The following SPOCK1 variants were observed in gnomAD, a reference collection of about 807,000 sequenced individuals.
SPOCK1 encodes testican-1.
A neutral mutation model predicts 55.3 loss-of-function variants in SPOCK1; 23 were observed. The ratio of observed to expected loss-of-function variants is 0.42; its 90% confidence interval spans 0.30 to 0.59. The LOEUF (loss-of-function observed/expected upper bound fraction) is 0.59, where lower values mean the gene tolerates loss of function less well. Among genes scored for constraint, SPOCK1 ranks in the 20% least tolerant of loss-of-function variants. The pLI is 0.22. For missense variants in SPOCK1, 499 were observed against 552.5 expected, an observed-to-expected ratio of 0.90 and a Z score of 0.97; for synonymous variants, 226 against 221.0, an observed-to-expected ratio of 1.02 and a Z score of -0.20.
At chr5:137,141,131 T>C (rs1408347602) in intron 3 of SPOCK1, among the ~76,000 whole-genome samples, 1 of 152,226 alleles carries the variant, frequency 6.6e-6, no homozygotes, top group Non-Finnish European at 1.5e-5. Flanking sequence ...GGTGCTGTTC[T>C]CTGAGGCTGG....
Position 137,349,700 on chromosome 5 carries a change from C to G in SPOCK1, c.187-82645G>C, listed in dbSNP as rs567624852. Among the ~76,000 whole-genome samples, 100 of 152,292 alleles carry G rather than the reference C, an allele frequency of 6.6e-4. 1 individual carries two copies. The highest frequency in any genetic ancestry group is 2.3e-3 in the African/African-American group (96 of 41,556). ...TTTGCTCATCTTTGGCATTCCTTGA[C>G]TTGTAGATGCATCACCTTGATCTCT... On this transcript the variant is annotated intron_variant, in intron 2 of 10. Transcript: ENST00000394945.
chr5:137,235,677 G>A (rs927134482), intron 3 of SPOCK1, among the ~76,000 whole-genome samples: 13 of 152,344 alleles, frequency 8.5e-5, no homozygotes, highest in Middle Eastern at 3.4e-3. Flanking sequence ...ACAGGGGTCT[G>A]GGTATGAATG....
chr5:137,256,871 A>T lies in SPOCK1; in HGVS notation c.232+10139T>A, dbSNP rs1756644940. Among the ~76,000 whole-genome samples the T allele has an allele frequency of 4.6e-5, 7 of 152,334 alleles. No homozygotes were observed. The Middle Eastern group carries it at 0.017, about 370-fold the overall frequency. On this transcript the variant is annotated intron_variant, in intron 3 of 10. Coordinates refer to ENST00000394945, the MANE Select transcript of SPOCK1 (RefSeq NM_004598.4). Reference sequence around the variant, plus strand: ...GAGAAGCCACAAACAGCCCAAAGGCACATTTACCGTCTTGCTGTATTTTTT... The same window carrying T: ...GAGAAGCCACAAACAGCCCAAAGGCTCATTTACCGTCTTGCTGTATTTTTT...
Position 137,371,915 on chromosome 5 carries a change from A to G in SPOCK1, c.187-104860T>C, listed in dbSNP as rs1751209434. On this transcript the variant is annotated intron_variant, in intron 2 of 10. Coordinates refer to ENST00000394945, the MANE Select transcript of SPOCK1 (RefSeq NM_004598.4). ...GTGAGATCAGCACTATCCAATAGAA[A>G]TATAACGTCAACCACAAATGTGAAC... Among the ~76,000 whole-genome samples the G allele has an allele frequency of 2.0e-5, 3 of 152,366 alleles. No individual in the cohort carries two copies. In the South Asian group the frequency reaches 6.2e-4, roughly 32 times the overall value.
intron 3 of SPOCK1, among the ~76,000 whole-genome samples, chr5:137,196,944 A>G (rs1755311718): frequency 6.6e-6 from 1 of 152,232 alleles, no homozygotes. Context: ...TCTAGCTTCA[A>G]TTAAATTGAC....
intron 6 of SPOCK1, among the ~76,000 whole-genome samples, chr5:137,000,959 C>T (rs1275553718): frequency 4.6e-5 from 7 of 152,290 alleles, no homozygotes; most frequent in South Asian, 4.1e-4. Context: ...GCCGAGATCA[C>T]GCCACTGCAC....
In SPOCK1 at chr5:136,978,160, G is replaced by T; in HGVS notation, c.*494C>A. The T allele has an allele frequency of 2.6e-6, 1 of 380,592 alleles. No individual in the cohort carries two copies. The highest frequency in any genetic ancestry group is 3.7e-5 in the East Asian group (1 of 26,886). 23.6% of individuals were successfully genotyped at this position (380,592 alleles called of 1,614,324 possible). A position where few individuals can be genotyped will look rare whatever the true frequency, so the allele number is the denominator to read the frequency against. On this transcript the variant is annotated 3_prime_UTR_variant, in exon 11 of 11. Coordinates refer to ENST00000394945, the MANE Select transcript of SPOCK1 (RefSeq NM_004598.4). ...TTTAATAATAATCACCGGCAGTAAC[G>T]GGGGCAGGGGGAAAAAGTACAGTGT... is the stretch of plus-strand genomic sequence containing the variant.
chr5:137,387,150 C>T (rs1580898034), intron 2 of SPOCK1, among the ~76,000 whole-genome samples: 1 of 152,216 alleles, frequency 6.6e-6, no homozygotes, highest in African/African-American at 2.4e-5. Context: ...ATCCAGAACA[C>T]TGACACCACC....
intron 2 of SPOCK1, among the ~76,000 whole-genome samples, chr5:137,410,182 G>A (rs1752180135): frequency 6.6e-6 from 1 of 152,188 alleles, no homozygotes. Flanking sequence ...TCATGCTCCT[G>A]ATATTCGGCA....
chr5:137,485,721 A>AAC (rs1006175038), intron 2 of SPOCK1, among the ~76,000 whole-genome samples: 3 of 152,232 alleles, frequency 2.0e-5, no homozygotes, highest in Non-Finnish European at 4.4e-5. Flanking sequence ...AAATTTTAAA[A>AAC]ACACACACAC....
intron 2 of SPOCK1, among the ~76,000 whole-genome samples, chr5:137,493,820 C>T (rs1198112966): frequency 6.6e-6 from 1 of 152,196 alleles, no homozygotes; most frequent in Non-Finnish European, 1.5e-5. Flanking sequence ...TCACCAGCCC[C>T]ACTGACTGGG....
intron 3 of SPOCK1, among the ~76,000 whole-genome samples, chr5:137,224,149 C>A (rs1285088734): frequency 6.6e-6 from 1 of 152,208 alleles, no homozygotes; most frequent in Admixed American, 6.5e-5. Flanking sequence ...TTCAGTCTCC[C>A]TGTAGCTTTG....
At chr5:137,274,581 C>T (rs1428889494) in intron 2 of SPOCK1, among the ~76,000 whole-genome samples, 6 of 152,136 alleles carry the variant, frequency 3.9e-5, no homozygotes, top group African/African-American at 1.2e-4. Context: ...CTGAGGTTTA[C>T]AGTAGGGGGA....
chr5:137,188,528 A>C (rs1755116015), intron 3 of SPOCK1, among the ~76,000 whole-genome samples: 1 of 152,224 alleles, frequency 6.6e-6, no homozygotes, highest in Non-Finnish European at 1.5e-5. Flanking sequence ...TATGAACCAC[A>C]TGTATATGAG....
At chr5:137,239,281 C>G (rs1313920774) in intron 3 of SPOCK1, among the ~76,000 whole-genome samples, 2 of 152,176 alleles carry the variant, frequency 1.3e-5, no homozygotes, top group Non-Finnish European at 2.9e-5. Flanking sequence ...GTGATGCACC[C>G]CAACTCCACA....
intron 3 of SPOCK1, among the ~76,000 whole-genome samples, chr5:137,212,348 A>C (rs1755633434): frequency 6.6e-6 from 1 of 152,142 alleles, no homozygotes; most frequent in African/African-American, 2.4e-5. Flanking sequence ...TCAGACTAAA[A>C]ATCAGGGACA....
chr5:137,095,671 G>A (rs1252061625), intron 5 of SPOCK1, among the ~76,000 whole-genome samples: 1 of 152,182 alleles, frequency 6.6e-6, no homozygotes, highest in Non-Finnish European at 1.5e-5. Context: ...ATGACAGCCA[G>A]GCTGGCAAGC....
chr5:137,456,834 A>C (rs1753377610), intron 2 of SPOCK1, among the ~76,000 whole-genome samples: 1 of 152,234 alleles, frequency 6.6e-6, no homozygotes, highest in African/African-American at 2.4e-5. Flanking sequence ...AACTATAATC[A>C]TGATACCAAA....
intron 5 of SPOCK1, among the ~76,000 whole-genome samples, chr5:137,081,868 C>G (rs1002483862): frequency 1.3e-5 from 2 of 152,218 alleles, no homozygotes; most frequent in Admixed American, 6.5e-5. Flanking sequence ...ACAAAATGCC[C>G]TTGCAAGAGT....
Sources: allele counts gnomAD v4.1 joint callset (sites outside exome capture counted in the v4.1 genomes callset), GRCh38; gene constraint gnomAD v4.1.1; transcripts MANE v1.5; gene names NCBI Gene and HGNC (gene_info 2026-07-23, HGNC 2026-07-21).